Variants in COP1 observed in about 807,000 individuals in gnomAD.
The protein encoded by COP1 is COP1 E3 ubiquitin ligase, also known as E3 ubiquitin-protein ligase COP1.
COP1 carries 24 observed loss-of-function variants against 101.3 expected under a neutral mutation model. The observed-to-expected ratio is 0.24, with a 90% CI of 0.17 to 0.33. The LOEUF is 0.33. COP1 is among the 10% of genes least tolerant of loss of function. The pLI, the probability that COP1 is intolerant of heterozygous loss-of-function variation, is 1.00. For synonymous variants in COP1, 347 were observed against 341.9 expected, an observed-to-expected ratio of 1.01 and a Z score of -0.17; for missense variants, 663 against 906.2, an observed-to-expected ratio of 0.73 and a Z score of 3.45.
At chr1:176,018,660 TAA>T (rs1666108575) in intron 15 of COP1, 4 of 152,184 alleles carry the variant, frequency 2.6e-5, no homozygotes, top group Non-Finnish European at 4.4e-5. Flanking sequence ...TTATCCATAC[TAA>T]GTTTATCTCT....
At chr1:176,063,076 G>A (rs571832760) in intron 11 of COP1, among the ~76,000 whole-genome samples, 8 of 100,170 alleles carry the variant, frequency 8.0e-5, no homozygotes, top group African/African-American at 1.5e-4. Context: ...TTTTTGAGAC[G>A]GAGTCTCGCT....
chr1:176,093,892 G>A (rs530710329), intron 9 of COP1, among the ~76,000 whole-genome samples: 9 of 151,774 alleles, frequency 5.9e-5, no homozygotes, highest in South Asian at 2.1e-4. Flanking sequence ...GCATGGTGGC[G>A]CACACCTGTA....
At chr1:175,958,685 T>C (rs772601013) in intron 18 of COP1, among the ~76,000 whole-genome samples, 25 of 151,876 alleles carry the variant, frequency 1.6e-4, no homozygotes, top group Non-Finnish European at 1.3e-4. Context: ...AATAATGTTA[T>C]AGAAAAAAGA....
intron 11 of COP1, among the ~76,000 whole-genome samples, chr1:176,051,682 G>T (rs1343901471): frequency 6.6e-6 from 1 of 152,130 alleles, no homozygotes; most frequent in Admixed American, 6.5e-5. Flanking sequence ...GTGTGTTACT[G>T]GCACTGAAGA....
chr1:176,166,595 T>G (rs571649608), intron 3 of COP1, among the ~76,000 whole-genome samples: 1 of 152,308 alleles, frequency 6.6e-6, no homozygotes, highest in East Asian at 1.9e-4. Flanking sequence ...CTGTATCAGA[T>G]TTTTCATGGA....
chr1:176,005,203 G>A (rs914730146), intron 15 of COP1, among the ~76,000 whole-genome samples: 45 of 151,914 alleles, frequency 3.0e-4, no homozygotes, highest in African/African-American at 9.9e-4. Context: ...GTGATATCCC[G>A]TTTATCATTT....
chr1:176,040,963 C>T (rs1192975717), intron 14 of COP1, among the ~76,000 whole-genome samples: 2 of 151,636 alleles, frequency 1.3e-5, no homozygotes, highest in African/African-American at 4.8e-5. Context: ...GTGAGAAGAA[C>T]CAGACCAAAA....
intron 5 of COP1, among the ~76,000 whole-genome samples, chr1:176,161,160 T>C (rs1386071463): frequency 2.0e-5 from 3 of 152,250 alleles, no homozygotes; most frequent in African/African-American, 7.2e-5. Context: ...ATCTGTTTCA[T>C]AGCTTAGAAA....
chr1:176,026,167 T>A (rs1193567175), intron 15 of COP1, among the ~76,000 whole-genome samples: 1 of 152,082 alleles, frequency 6.6e-6, no homozygotes, highest in Admixed American at 6.6e-5. Flanking sequence ...TAAAGTAGGT[T>A]CCTATTTTCC....
intron 14 of COP1, among the ~76,000 whole-genome samples, chr1:176,042,026 C>T (rs756232700): frequency 6.6e-6 from 1 of 152,046 alleles, no homozygotes; most frequent in African/African-American, 2.4e-5. Flanking sequence ...GCAAAAGAAT[C>T]GCTTGAACCT....
rs139425528 is a variant in COP1, at chr1:175,969,671, A to G, written c.2133+17272T>C. On this transcript the variant is annotated intron_variant, in intron 18 of 19. Coordinates refer to ENST00000367669, the MANE Select transcript of COP1 (RefSeq NM_022457.7). ...TTCTGAAGCCTTCTGTGTCACGTAA[A>G]ACTTCTATGTCATGTAAAACTTACA... is the stretch of plus-strand genomic sequence containing the variant. Among the ~76,000 whole-genome samples the G allele has an allele frequency of 3.0e-3, 457 of 152,268 alleles. 2 individuals are homozygous for G. Among genetic ancestry groups the G allele is most frequent in the African/African-American group, 0.01 (430 of 41,564 alleles).
intron 1 of COP1, among the ~76,000 whole-genome samples, chr1:176,194,104 T>C (rs1699393616): frequency 6.6e-6 from 1 of 152,130 alleles, no homozygotes; most frequent in Non-Finnish European, 1.5e-5. Flanking sequence ...AAATCAGTAT[T>C]GTAAACCTCA....
rs980449719 is a variant in COP1 at position 176,008,116 on chromosome 1, TC to T, written c.1730-18638del. ...GGAGTGACCCGATTTTCCAGGTGCG[TC>T]CGTCACCCCTTTCTTTGACTCGGAA... On this transcript the variant is annotated intron_variant, in intron 15 of 19. Coordinates refer to ENST00000367669, the MANE Select transcript of COP1 (RefSeq NM_022457.7). 5.2e-4 allele frequency among the ~76,000 whole-genome samples: 79 copies of T among 152,300 alleles called. 1 individual carries two copies. The Middle Eastern group carries it at 0.01, about 20-fold the overall frequency.
At chr1:176,133,759 A>T (rs1689340927) in intron 8 of COP1, 1 of 410,406 alleles carries the variant, frequency 2.4e-6, no homozygotes, top group Non-Finnish European at 4.8e-6. Context: ...TGCTACTGTT[A>T]AACAGAGAGG....
intron 15 of COP1, among the ~76,000 whole-genome samples, chr1:176,004,589 T>A (rs1182513540): frequency 6.6e-6 from 1 of 152,200 alleles, no homozygotes; most frequent in Non-Finnish European, 1.5e-5. Flanking sequence ...TGAAGGCTTT[T>A]TCTGCATCTA....
chr1:175,986,917 GTGAAAAAACTGATA>G lies in COP1; in HGVS notation c.2133+12_2133+25del. The G allele has an allele frequency of 6.5e-7, 1 of 1,529,276 alleles. No individual in the cohort carries two copies. Among genetic ancestry groups the G allele is most frequent in the Non-Finnish European group, 8.8e-7 (1 of 1,136,816 alleles). 94.7% of individuals were successfully genotyped at this position (1,529,276 alleles called of 1,614,324 possible). A position where few individuals can be genotyped will look rare whatever the true frequency, so the allele number is the denominator to read the frequency against. ...ATAATGCATAATATGAGATCCCAAG[GTGAAAAAACTGATA>G]TGAAAACTTACCCCATCTGGTAGTG... On this transcript the variant is annotated intron_variant, in intron 18 of 19. Coordinates refer to ENST00000367669, the MANE Select transcript of COP1 (RefSeq NM_022457.7).
intron 9 of COP1, among the ~76,000 whole-genome samples, chr1:176,106,447 T>C (rs1684320909): frequency 7.4e-6 from 1 of 135,124 alleles, no homozygotes; most frequent in Non-Finnish European, 1.7e-5. Context: ...AATTATAGTT[T>C]ATAAGTTTAT....
chr1:176,102,011 A>G (rs771088056), intron 9 of COP1, among the ~76,000 whole-genome samples: 1 of 152,202 alleles, frequency 6.6e-6, no homozygotes. Flanking sequence ...CTTCAAGCCT[A>G]AAACAGTCTG....
chr1:175,962,480 T>A (rs1651494267), intron 18 of COP1, among the ~76,000 whole-genome samples: 1 of 152,160 alleles, frequency 6.6e-6, no homozygotes, highest in Non-Finnish European at 1.5e-5. Flanking sequence ...TCTTGTCGCT[T>A]CCCTTTAAAT....
Sources: gnomAD v4.1 joint callset for allele counts (sites outside exome capture counted in the v4.1 genomes callset) on GRCh38, gnomAD v4.1.1 for gene constraint, MANE v1.5 for transcripts, NCBI Gene and HGNC (gene_info 2026-07-23, HGNC 2026-07-21) for gene names.